The following ZSCAN12 variants were observed in gnomAD, a reference collection of about 807,000 sequenced individuals.
ZSCAN12 encodes zinc finger and SCAN domain-containing protein 12.
In ZSCAN12, 18 loss-of-function variants were observed where a neutral mutation model predicts 23.4. The observed-to-expected ratio is 0.77, with a 90% CI of 0.53 to 1.14. ZSCAN12 has a LOEUF of 1.14. Ranked by LOEUF, ZSCAN12 falls within the 50% of genes most tolerant of loss-of-function variation. The probability of loss-of-function intolerance (pLI) is 0.00; values close to 1 mark genes in which losing one functional copy is unlikely to be tolerated. For synonymous variants in ZSCAN12, 186 were observed against 253.4 expected, an observed-to-expected ratio of 0.73 and a Z score of 2.53; for missense variants, 650 against 735.0, an observed-to-expected ratio of 0.88 and a Z score of 1.34.
chr6:28,399,022 G>A (rs1025359035), intron 1 of ZSCAN12, among the ~76,000 whole-genome samples: 6 of 152,056 alleles, frequency 3.9e-5, no homozygotes, highest in Non-Finnish European at 8.8e-5. Flanking sequence ...AGACTTGTTG[G>A]TAAACTTATT....
Position 28,390,553 on chromosome 6 carries a change from A to T in ZSCAN12, c.1737T>A (p.Gly579=). The change falls in exon 4 of 4, where the codon GGT becomes GGA. Residue 579 remains glycine, a synonymous_variant. Coordinates refer to ENST00000684592, the MANE Select transcript of ZSCAN12 (RefSeq NM_001163391.2). The part of the protein sequence containing the change: ...SKHQRIHNRR[G]TYVCKECGKS... ...TCCCACACTCTTTACATACATAGGT[A>T]CCACGTCTATTATGGATTCTCTGGT... is the stretch of plus-strand genomic sequence containing the variant. 1 of 1,574,762 alleles carries T rather than the reference A, an allele frequency of 6.4e-7. No homozygotes were observed. The highest frequency in any genetic ancestry group is 1.2e-5 in the South Asian group (1 of 86,406).
rs1760475795 is a variant in ZSCAN12, at chr6:28,385,086, A to G, written c.*5368T>C. ...ATATCACATATATGTGTGTGTGTGCATTTTTAAATCCAAGAAGTATCTTCT... is the reference window on the plus strand; with the variant it reads ...ATATCACATATATGTGTGTGTGTGCGTTTTTAAATCCAAGAAGTATCTTCT... On this transcript the variant is annotated 3_prime_UTR_variant, in exon 4 of 4. Transcript: ENST00000684592. 6.6e-6 allele frequency among the ~76,000 whole-genome samples: 1 copy of G among 152,178 alleles called. No individual in the cohort carries two copies. The highest frequency in any genetic ancestry group is 6.5e-5 in the Admixed American group (1 of 15,286).
At chr6:28,379,827 A>G (rs1760140262), downstream of ZSCAN12, 1 of 152,114 alleles carries the variant, frequency 6.6e-6, no homozygotes, top group African/African-American at 2.4e-5. Context: ...AAAATAATAT[A>G]TATATATTTA....
At chr6:28,394,957 C>T (rs1340115925) in intron 2 of ZSCAN12, among the ~76,000 whole-genome samples, 1 of 151,710 alleles carries the variant, frequency 6.6e-6, no homozygotes, top group Non-Finnish European at 1.5e-5. Context: ...TTTTTTGAGG[C>T]AGAGTCTCAC....
chr6:28,391,557 G>T lies in ZSCAN12; in HGVS notation c.733C>A (p.Gln245Lys). The T allele has an allele frequency of 6.4e-7, 1 of 1,552,260 alleles. No homozygotes were observed. The highest frequency in any genetic ancestry group is 1.2e-5 in the South Asian group (1 of 84,060). ...EPSACSREDK[Q>K]PTCDENGVSL... ...ACTCCATTTTCATCACAGGTAGGTT[G>T]TTTATCTTCTCTGGAGCAAGCAGAG... Residue 245 changes from glutamine (Q) to lysine (K), a missense_variant, in exon 4 of 4, where the codon CAA becomes AAA. Gln to Lys is a moderately conservative substitution (Grantham distance 53). Transcript: ENST00000684592. The surrounding 1 kb of genome is among the most constrained non-coding windows in gnomAD (Gnocchi z 4.1).
chr6:28,397,095 G>A, intron 2 of ZSCAN12, among the ~76,000 whole-genome samples: 1 of 151,698 alleles, frequency 6.6e-6, no homozygotes, highest in East Asian at 1.9e-4. Flanking sequence ...TTGTTGTCTG[G>A]GGCTGTCCTG....
chr6:28,393,128 C>G, intron 2 of ZSCAN12, 82 bp from the exon 3 acceptor site: 1 of 1,404,616 alleles, frequency 7.1e-7, no homozygotes, highest in Non-Finnish European at 9.6e-7. Flanking sequence ...GTGGCTGAAC[C>G]CTGAAATGAC....
In ZSCAN12 at chr6:28,390,135, G is replaced by A. The variant is rs1463382548; in HGVS notation, c.*319C>T. Among the ~76,000 whole-genome samples, 1 of 103,078 alleles carries A rather than the reference G, an allele frequency of 9.7e-6. No individual in the cohort carries two copies. Among genetic ancestry groups the A allele is most frequent in the African/African-American group, 9.0e-5 (1 of 11,078 alleles). The allele number at this position is 103,078 out of a possible 152,430, so 67.6% of individuals were successfully genotyped here. ...AGTAACCTGTCCTTTAGAATTTACA[G>A]CACTTATAGTCTGTTACAAAGTACC... On this transcript the variant is annotated 3_prime_UTR_variant, in exon 4 of 4. Transcript: ENST00000684592.
chr6:28,394,521 AAAAG>A (rs1304588691), intron 2 of ZSCAN12, among the ~76,000 whole-genome samples: 2 of 152,190 alleles, frequency 1.3e-5, no homozygotes, highest in South Asian at 2.1e-4. Context: ...ATATTTTGAA[AAAAG>A]AAAGCCGGGG....
In ZSCAN12 at chr6:28,386,874, C is replaced by T. The variant is rs1054247379; in HGVS notation, c.*3580G>A. 3.9e-5 allele frequency among the ~76,000 whole-genome samples: 6 copies of T among 152,134 alleles called. No homozygotes were observed. The highest frequency in any genetic ancestry group is 4.1e-4 in the South Asian group (2 of 4,826). ...GATGGAGTCTTGCTCTGTCACCAGGCGGGAGAGCAGTGGTGCCATCTCAGC... is the reference window on the plus strand; with the variant it reads ...GATGGAGTCTTGCTCTGTCACCAGGTGGGAGAGCAGTGGTGCCATCTCAGC... On this transcript the variant is annotated 3_prime_UTR_variant, in exon 4 of 4. Coordinates refer to ENST00000684592, the MANE Select transcript of ZSCAN12 (RefSeq NM_001163391.2).
Position 28,398,259 on chromosome 6 carries a change from GA to G in ZSCAN12, c.146del (p.Phe49SerfsTer16), listed in dbSNP as rs1561965334. ...ATGTCTCCTGGTAGCAGAACTGTCT[GA>G]AGTACTGACGGAAGACCTCTCTGCT... is the stretch of plus-strand genomic sequence containing the variant. ...THSREVFRQY[F>X]RQFCYQETSG... On this transcript the variant is annotated frameshift_variant, in exon 2 of 4. Transcript: ENST00000684592. LOFTEE classifies it high-confidence loss of function. The G allele has an allele frequency of 6.2e-7, 1 of 1,613,066 alleles. No homozygotes were observed. The highest frequency in any genetic ancestry group is 1.3e-5 in the African/African-American group (1 of 75,036).
chr6:28,398,761 CAAAAAAAAA>C (rs775480746), intron 1 of ZSCAN12, among the ~76,000 whole-genome samples: 3 of 72,784 alleles, frequency 4.1e-5, no homozygotes, highest in African/African-American at 1.5e-4. Flanking sequence ...ACTAAAAATA[CAAAAAAAAA>C]AAAAAAAAAA....
chr6:28,399,049 T>C (rs1761281237), intron 1 of ZSCAN12, among the ~76,000 whole-genome samples: 1 of 152,074 alleles, frequency 6.6e-6, no homozygotes, highest in Non-Finnish European at 1.5e-5. Context: ...TGGTCCTAAA[T>C]GAAAGACAAA....
rs1427715885 is a variant in ZSCAN12, at chr6:28,386,554, T to C, written c.*3900A>G. Among the ~76,000 whole-genome samples the C allele has an allele frequency of 6.6e-6, 1 of 152,252 alleles. No homozygotes were observed. Among genetic ancestry groups the C allele is most frequent in the East Asian group, 1.9e-4 (1 of 5,204 alleles). On this transcript the variant is annotated 3_prime_UTR_variant, in exon 4 of 4. Coordinates refer to ENST00000684592, the MANE Select transcript of ZSCAN12 (RefSeq NM_001163391.2). The stretch of plus-strand genomic sequence containing the variant: ...CTCCTGACTTCATCACAAAGCATTC[T>C]CTCTTCACTGCATTCCCTAATGTAG...
Position 28,390,447 on chromosome 6 carries a change from G to A in ZSCAN12, c.*7C>T, listed in dbSNP as rs1368739312. On this transcript the variant is annotated 3_prime_UTR_variant, in exon 4 of 4. Transcript: ENST00000684592. ...CTGAACTCTGTGAGATAACTTCCCT[G>A]TAGTCATCACACAGAAACAGATTTT... 6.5e-7 allele frequency: 1 copy of A among 1,526,742 alleles called. No individual in the cohort carries two copies. The highest frequency in any genetic ancestry group is 2.0e-5 in the Admixed American group (1 of 49,106). The allele number at this position is 1,526,742 out of a possible 1,614,324, so 94.6% of individuals were successfully genotyped here. A position where few individuals can be genotyped will look rare whatever the true frequency, so the allele number is the denominator to read the frequency against.
chr6:28,393,494 C>G (rs911547142), intron 2 of ZSCAN12, among the ~76,000 whole-genome samples: 1 of 148,578 alleles, frequency 6.7e-6, no homozygotes, highest in African/African-American at 2.5e-5. Context: ...AAAAAAGGCA[C>G]CCTTGGGATG....
chr6:28,396,823 T>C (rs919235955), intron 2 of ZSCAN12, among the ~76,000 whole-genome samples: 6 of 152,122 alleles, frequency 3.9e-5, no homozygotes, highest in Non-Finnish European at 5.9e-5. Context: ...CAGGCTGGCG[T>C]TGAACTCCTG....
rs1760705508 is a variant in ZSCAN12, at chr6:28,389,410, A to G, written c.*1044T>C. Among the ~76,000 whole-genome samples the G allele has an allele frequency of 6.6e-6, 1 of 152,156 alleles. No homozygotes were observed. Among genetic ancestry groups the G allele is most frequent in the Admixed American group, 6.5e-5 (1 of 15,272 alleles). On this transcript the variant is annotated 3_prime_UTR_variant, in exon 4 of 4. Coordinates refer to ENST00000684592, the MANE Select transcript of ZSCAN12 (RefSeq NM_001163391.2). ...CCCTGTAAGGATCTCCTTGTGCTAA[A>G]AGTCTGCAGTGGCCTTTAGTTTATA...
chr6:28,383,000 ATATT>A (rs1561951216), downstream of ZSCAN12, among the ~76,000 whole-genome samples: 1 of 151,630 alleles, frequency 6.6e-6, no homozygotes, highest in African/African-American at 2.4e-5. Flanking sequence ...ACAACAGCTA[ATATT>A]TATTTAAAAT....
Sources: gnomAD v4.1 joint callset for allele counts (sites outside exome capture counted in the v4.1 genomes callset) on GRCh38, gnomAD v4.1.1 for gene constraint, Gnocchi (gnomAD v3.1) non-coding constraint, MANE v1.5 for transcripts, NCBI Gene and HGNC (gene_info 2026-07-23, HGNC 2026-07-21) for gene names.